The following ZFHX3 variants were observed in gnomAD, a reference collection of about 807,000 sequenced individuals.
ZFHX3 encodes the protein zinc finger homeobox protein 3.
Under a neutral mutation model 279.1 loss-of-function variants are expected in ZFHX3, and 42 were observed. That is an observed-to-expected ratio of 0.15 (90% confidence interval 0.12 to 0.19). The LOEUF (loss-of-function observed/expected upper bound fraction) is 0.19, where lower values mean the gene tolerates loss of function less well. Ranked by LOEUF, ZFHX3 falls within the 10% of genes least tolerant of loss-of-function variation. ZFHX3 has a pLI of 1.00. For missense variants in ZFHX3, 4,981 were observed against 4,754.0 expected (o/e 1.05, Z -1.40); for synonymous variants, 2,293 against 1,957.8 (o/e 1.17, Z -4.52).
At chr16:73,633,457 C>T (rs2052495987) in intron 2 of ZFHX3, among the ~76,000 whole-genome samples, 1 of 152,156 alleles carries the variant, frequency 6.6e-6, no homozygotes, top group African/African-American at 2.4e-5. Context: ...AATGATAAAA[C>T]CACCCTCAGG....
intron 3 of ZFHX3, among the ~76,000 whole-genome samples, chr16:73,370,707 A>C (rs1862767): frequency 0.39 from 59,535 of 152,140 alleles, 14,007 homozygotes; most frequent in East Asian, 0.53. Context: ...TGCCATGCAC[A>C]GCTCAGCATC....
At chr16:73,682,896 AAGAAAGAAAG>A (rs1419767916) in intron 1 of ZFHX3, among the ~76,000 whole-genome samples, 3 of 22,310 alleles carry the variant, frequency 1.3e-4, no homozygotes, top group African/African-American at 2.8e-4. Context: ...GAAAGAAAGA[AAGAAAGAAAG>A]AGAAAGAAAG....
intron 4 of ZFHX3, among the ~76,000 whole-genome samples, chr16:72,859,569 G>A (rs1205023255): frequency 6.6e-6 from 1 of 152,208 alleles, no homozygotes. Context: ...CCCATAGAGG[G>A]AAATAAAGAC....
chr16:73,862,774 ACAAT>A (rs890079454), intron 1 of ZFHX3, among the ~76,000 whole-genome samples: 1 of 151,946 alleles, frequency 6.6e-6, no homozygotes, highest in Admixed American at 6.6e-5. Flanking sequence ...GAGACCCTGT[ACAAT>A]CAATCAATCA....
chr16:72,858,960 G>T, intron 4 of ZFHX3, among the ~76,000 whole-genome samples: 1 of 152,198 alleles, frequency 6.6e-6, no homozygotes, highest in Non-Finnish European at 1.5e-5. Context: ...CTTTCTGTCT[G>T]CTTCTCACAA....
intron 2 of ZFHX3, among the ~76,000 whole-genome samples, chr16:73,641,368 A>C (rs2052571755): frequency 6.6e-6 from 1 of 152,118 alleles, no homozygotes; most frequent in Non-Finnish European, 1.5e-5. Context: ...CAGACCTAGA[A>C]AGTAACTGCC....
At chr16:73,801,801 G>A (rs1309595836) in intron 1 of ZFHX3, among the ~76,000 whole-genome samples, 1 of 152,084 alleles carries the variant, frequency 6.6e-6, no homozygotes, top group Non-Finnish European at 1.5e-5. Flanking sequence ...CAGTTGTCCC[G>A]ATTCCACAAA....
intron 1 of ZFHX3, among the ~76,000 whole-genome samples, chr16:73,830,640 C>T (rs560970227): frequency 6.6e-6 from 1 of 152,304 alleles, no homozygotes; most frequent in East Asian, 1.9e-4. Flanking sequence ...TTTAGAGCTA[C>T]TGGCATTTGC....
At chr16:73,415,858 G>T (rs2017562162) in intron 3 of ZFHX3, among the ~76,000 whole-genome samples, 1 of 152,176 alleles carries the variant, frequency 6.6e-6, no homozygotes, top group Non-Finnish European at 1.5e-5. Context: ...AGTGGCTCAT[G>T]CCTGTAATCC....
chr16:72,918,008 G>C (rs745349787), intron 3 of ZFHX3, among the ~76,000 whole-genome samples: 5 of 149,478 alleles, frequency 3.3e-5, no homozygotes, highest in Non-Finnish European at 1.5e-5. Context: ...TCCTTCCCCA[G>C]GTTGAGGGGA....
At chr16:73,150,581 A>G (rs1334930039) in intron 5 of ZFHX3, among the ~76,000 whole-genome samples, 2 of 152,246 alleles carry the variant, frequency 1.3e-5, no homozygotes, top group Non-Finnish European at 2.9e-5. Flanking sequence ...GCCTTAGAAG[A>G]TAACAGGATA....
intron 2 of ZFHX3, chr16:73,487,399 A>T (rs933354250): frequency 4.7e-6 from 2 of 426,146 alleles, no homozygotes; most frequent in Non-Finnish European, 9.3e-6. Context: ...ACCTCTCTGT[A>T]TCTATGTGAT....
chr16:73,672,918 A>C (rs1354554546), intron 2 of ZFHX3, among the ~76,000 whole-genome samples: 2 of 152,208 alleles, frequency 1.3e-5, no homozygotes, highest in African/African-American at 4.8e-5. Context: ...TAGATTACAA[A>C]AACATGATAC....
intron 1 of ZFHX3, among the ~76,000 whole-genome samples, chr16:72,997,324 CTGTT>C (rs924694011): frequency 7.2e-5 from 11 of 152,186 alleles, no homozygotes; most frequent in Non-Finnish European, 4.4e-5. Flanking sequence ...CCAGACGTCT[CTGTT>C]TGAGCAACAG....
At chr16:73,579,069 T>C (rs570685665) in intron 2 of ZFHX3, among the ~76,000 whole-genome samples, 35 of 152,346 alleles carry the variant, frequency 2.3e-4, no homozygotes, top group African/African-American at 8.4e-4. Context: ...CTATTCTCTC[T>C]GAAGCCCGCA....
intron 1 of ZFHX3, among the ~76,000 whole-genome samples, chr16:73,682,523 C>G (rs575514859): frequency 6.6e-6 from 1 of 152,136 alleles, no homozygotes; most frequent in South Asian, 2.1e-4. Context: ...CGGTGGCTCA[C>G]GCCTGTAATC....
At chr16:73,160,786 T>G (rs1018421218) in intron 5 of ZFHX3, among the ~76,000 whole-genome samples, 1 of 151,462 alleles carries the variant, frequency 6.6e-6, no homozygotes, top group Non-Finnish European at 1.5e-5. Context: ...TTTTTTTTTT[T>G]TTTTTAGACA....
chr16:73,721,877 T>C (rs1238531632), intron 1 of ZFHX3, among the ~76,000 whole-genome samples: 1 of 152,092 alleles, frequency 6.6e-6, no homozygotes, highest in Non-Finnish European at 1.5e-5. Flanking sequence ...AAACCCTGTC[T>C]CTACAAAAAT....
At chr16:72,911,362 C>T (rs1180012271) in intron 3 of ZFHX3, among the ~76,000 whole-genome samples, 1 of 152,232 alleles carries the variant, frequency 6.6e-6, no homozygotes, top group African/African-American at 2.4e-5. Context: ...AGGACACTGT[C>T]AATTCTCAAT....
Sources: allele counts gnomAD v4.1 joint callset (sites outside exome capture counted in the v4.1 genomes callset), GRCh38; gene constraint gnomAD v4.1.1; transcripts MANE v1.5; gene names NCBI Gene and HGNC (gene_info 2026-07-23, HGNC 2026-07-21).